The following SETD1A variants were observed in gnomAD, a reference collection of about 807,000 sequenced individuals.
The protein encoded by SETD1A is SET domain containing 1A, histone lysine methyltransferase, also known as histone-lysine N-methyltransferase SETD1A.
In SETD1A, 29 loss-of-function variants were observed where a neutral mutation model predicts 149.9. That is an observed-to-expected ratio of 0.19 (90% CI 0.14 to 0.26). SETD1A has a LOEUF of 0.26. Ranked by LOEUF, SETD1A falls within the 10% of genes least tolerant of loss-of-function variation. The probability of loss-of-function intolerance (pLI) is 1.00; values close to 1 mark genes in which losing one functional copy is unlikely to be tolerated. For missense variants in SETD1A, 2,109 were observed against 2,353.1 expected, an observed-to-expected ratio of 0.90 and a Z score of 2.15; for synonymous variants, 1,141 against 968.5, an observed-to-expected ratio of 1.18 and a Z score of -3.31.
Position 30,979,841 on chromosome 16 carries a change from A to C in SETD1A, c.4055A>C (p.Gln1352Pro), listed in dbSNP as rs761427932. The part of the protein sequence containing the change: ...VVAEAEEPKP[Q>P]QLQQQREEGE... ...GCTGAGGCGGAGGAGCCCAAGCCGC[A>C]GCAACTGCAGCAGCAGCGGGAGGAG... The change falls in exon 14 of 19, where the codon CAG becomes CCG. Residue 1352 changes from glutamine to proline, a missense_variant. Physicochemically the swap from Gln to Pro is moderately conservative, Grantham distance 76 (BLOSUM62 -1). This residue lies in a region of SETD1A where 832 missense variants were observed against 815.6 expected (regional missense o/e 1.02). Transcript: ENST00000262519. 1.2e-5 allele frequency: 19 copies of C among 1,547,988 alleles called. No homozygotes were observed. In the East Asian group the frequency reaches 2.4e-4, roughly 19 times the overall value.
intron 4 of SETD1A, among the ~76,000 whole-genome samples, chr16:30,962,907 C>T (rs1445734402): frequency 2.0e-5 from 3 of 152,232 alleles, no homozygotes; most frequent in Admixed American, 6.5e-5. Flanking sequence ...GCACTCAAGC[C>T]AGAAATTTGG....
chr16:30,972,397 G>GGTT (rs1262537725), intron 13 of SETD1A, among the ~76,000 whole-genome samples: 214 of 152,230 alleles, frequency 1.4e-3, no homozygotes, highest in Admixed American at 2.4e-3. Flanking sequence ...AGCACTTTGG[G>GGTT]AGGCCAAGGC....
At position 30,961,125 on chromosome 16, in the gene SETD1A, T is replaced by C. The variant is rs750425232; in HGVS notation, c.247-142T>C. On this transcript the variant is annotated intron_variant, in intron 3 of 18. Transcript: ENST00000262519. This position sits in a 1 kb window ranked among gnomAD's most constrained non-coding sequence, Gnocchi z 4.0. ...GGGAAAAGGGGTCAGGTCTGATGGATCCCTTATTTTGGGCCCCTTCCCTTG... is the reference window on the plus strand; with the variant it reads ...GGGAAAAGGGGTCAGGTCTGATGGACCCCTTATTTTGGGCCCCTTCCCTTG... The C allele has an allele frequency of 2.1e-5, 16 of 765,870 alleles. No homozygotes were observed. Among genetic ancestry groups the C allele is most frequent in the Non-Finnish European group, 3.6e-5 (16 of 445,180 alleles). 47.4% of individuals were successfully genotyped at this position (765,870 alleles called of 1,614,324 possible).
Position 30,980,585 on chromosome 16 carries a change from CAAG to C in SETD1A, c.4513_4515del (p.Lys1505del). 1 of 1,614,142 alleles carries C rather than the reference CAAG, an allele frequency of 6.2e-7. No individual in the cohort carries two copies. The highest frequency in any genetic ancestry group is 8.5e-7 in the Non-Finnish European group (1 of 1,180,038). The stretch of plus-strand genomic sequence containing the variant: ...GCAGCGAAGGCTACTACCCCATCAG[CAAG>C]AAGGAGAAGGACAAGTACCTGGACG... On this transcript the variant is annotated inframe_deletion, in exon 15 of 19. Transcript: ENST00000262519. This position sits in a 1 kb window ranked among gnomAD's most constrained non-coding sequence, Gnocchi z 7.7.
rs752692999 is a variant in SETD1A, at chr16:30,964,599, G to A, written c.870-13G>A. On this transcript the variant is annotated splice_polypyrimidine_tract_variant and intron_variant, in intron 6 of 18. Transcript: ENST00000262519. ...AGAGCTGAGTCCAGCTAACTCCCCTGCTTCTTCTCCAGCACCACTTCAACC... is the reference window on the plus strand; with the variant it reads ...AGAGCTGAGTCCAGCTAACTCCCCTACTTCTTCTCCAGCACCACTTCAACC... 42 of 1,607,496 alleles carry A rather than the reference G, an allele frequency of 2.6e-5. No homozygotes were observed. The Middle Eastern group carries it at 6.6e-4, about 25-fold the overall frequency.
chr16:30,983,724 T>C lies in SETD1A; in HGVS notation c.4902T>C (p.Asp1634=), dbSNP rs1307291941. Residue 1634 remains aspartate (D), a synonymous_variant, in exon 18 of 19, where the codon GAT becomes GAC. Transcript: ENST00000262519. The surrounding 1 kb of genome is among the most constrained non-coding windows in gnomAD (Gnocchi z 6.8). ...LFRVDHDTII[D]ATKCGNLARF... The stretch of plus-strand genomic sequence containing the variant: ...GGGTGGACCACGACACCATCATCGA[T>C]GCCACCAAGTGTGGCAACCTGGCCA... 1.2e-6 allele frequency: 2 copies of C among 1,614,004 alleles called. No individual in the cohort carries two copies. Among genetic ancestry groups the C allele is most frequent in the African/African-American group, 2.7e-5 (2 of 74,918 alleles).
chr16:30,983,595 TGGG>T lies in SETD1A; in HGVS notation c.4813-37_4813-35del. 1.9e-6 allele frequency: 3 copies of T among 1,593,942 alleles called. No homozygotes were observed. Among genetic ancestry groups the T allele is most frequent in the African/African-American group, 2.7e-5 (2 of 74,772 alleles). ...GGCAGGCGTGCTCAGGGGCAGGAAGTGGGGGACTCTTCCCTGACCATCGCATCT... is the reference window on the plus strand; with the variant it reads ...GGCAGGCGTGCTCAGGGGCAGGAAGTGGACTCTTCCCTGACCATCGCATCT... On this transcript the variant is annotated intron_variant, in intron 17 of 18. Coordinates refer to ENST00000262519, the MANE Select transcript of SETD1A (RefSeq NM_014712.3). This position sits in a 1 kb window ranked among gnomAD's most constrained non-coding sequence, Gnocchi z 6.8.
At chr16:30,981,421 C>T (rs2056376245) in intron 17 of SETD1A, among the ~76,000 whole-genome samples, 6 of 152,190 alleles carry the variant, frequency 3.9e-5, no homozygotes, top group Admixed American at 3.9e-4. Context: ...TGTTGCCAGG[C>T]TGTAGTGCAG....
chr16:30,971,360 C>T lies in SETD1A; in HGVS notation c.3017-18C>T, dbSNP rs761403867. ...GAGGTCTGCCCACCTCTCCTGACTG[C>T]CCCTTCTGGATTTCCAGGCGAGGAC... is the stretch of plus-strand genomic sequence containing the variant. On this transcript the variant is annotated intron_variant, in intron 12 of 18. Transcript: ENST00000262519. 4.5e-6 allele frequency: 7 copies of T among 1,560,896 alleles called. No homozygotes were observed. The African/African-American group carries it at 5.4e-5, about 12-fold the overall frequency.
rs1227040114 is a variant in SETD1A at position 30,979,416 on chromosome 16, G to A, written c.3630G>A (p.Leu1210=). The A allele has an allele frequency of 1.2e-6, 2 of 1,610,880 alleles. No homozygotes were observed. Among genetic ancestry groups the A allele is most frequent in the East Asian group, 4.5e-5 (2 of 44,782 alleles). ...PRGVERTIRN[L]PLDHASLVKS... is the part of the protein sequence containing the mutation. ...GCGTGGAGCGGACCATCCGCAACCT[G>A]CCCCTGGACCACGCATCTCTGGTCA... The change falls in exon 14 of 19, where the codon CTG becomes CTA. Residue 1210 remains leucine, a synonymous_variant. Transcript: ENST00000262519.
chr16:30,971,109 A>T (rs943925582), intron 12 of SETD1A, among the ~76,000 whole-genome samples: 8 of 151,180 alleles, frequency 5.3e-5, no homozygotes, highest in Admixed American at 4.6e-4. Context: ...TGTGTGGTGG[A>T]CTCCTTGTCC....
chr16:30,958,242 G>C (rs2055992470), intron 1 of SETD1A: 1 of 152,516 alleles, frequency 6.6e-6, no homozygotes, highest in Non-Finnish European at 1.5e-5. Flanking sequence ...CCCGGATTCG[G>C]GGTCGAAGCC....
Position 30,967,037 on chromosome 16 carries a change from G to T in SETD1A, c.2659G>T (p.Ala887Ser), listed in dbSNP as rs1388205772. The T allele has an allele frequency of 2.5e-6, 4 of 1,595,128 alleles. No individual in the cohort carries two copies. The Admixed American group carries it at 7.2e-5, about 29-fold the overall frequency. Reference protein sequence around the residue: ...AFAFGSGLRGALRLPSFKVKR... With the variant: ...AFAFGSGLRGSLRLPSFKVKR... ...CGCCTTTGGGTCAGGGCTGAGAGGGGCCCTGCGGCTGCCTTCATTCAAGGT... is the reference window on the plus strand; with the variant it reads ...CGCCTTTGGGTCAGGGCTGAGAGGGTCCCTGCGGCTGCCTTCATTCAAGGT... The change falls in exon 9 of 19, where the codon GCC becomes TCC. Residue 887 changes from alanine to serine, a missense_variant. Around this residue, in one of 8 missense-constraint regions of SETD1A, gnomAD observed 832 missense variants for 815.6 expected, o/e 1.02. Transcript: ENST00000262519.
rs750726670 is a variant in SETD1A, at chr16:30,964,224, C to A, written c.770C>A (p.Pro257Gln). 1 of 1,614,176 alleles carries A rather than the reference C, an allele frequency of 6.2e-7. No homozygotes were observed. Among genetic ancestry groups the A allele is most frequent in the Admixed American group, 1.7e-5 (1 of 60,024 alleles). The change falls in exon 6 of 19, where the codon CCA (proline) becomes CAA (glutamine). Residue 257 changes from proline to glutamine, a missense_variant. Coordinates refer to ENST00000262519, the MANE Select transcript of SETD1A (RefSeq NM_014712.3). ...TSFSSSRQDT[P>Q]SSFGQFTPQS... is the part of the protein sequence containing the mutation. ...TTCTCCAGCAGCCGACAAGATACCCCATCTTCCTTTGGCCAGTTCACACCT... is the reference window on the plus strand; with the variant it reads ...TTCTCCAGCAGCCGACAAGATACCCAATCTTCCTTTGGCCAGTTCACACCT...
chr16:30,960,173 C>T (rs2056030266), intron 3 of SETD1A, among the ~76,000 whole-genome samples: 1 of 152,074 alleles, frequency 6.6e-6, no homozygotes, highest in Non-Finnish European at 1.5e-5. Flanking sequence ...TCGTTCTTGC[C>T]TCAGTTTCTC....
Position 30,979,991 on chromosome 16 carries a change from G to GCCCCCC in SETD1A, c.4208_4209insCCCCCC (p.Pro1411_Pro1412dup). On this transcript the variant is annotated inframe_insertion, in exon 14 of 19. Transcript: ENST00000262519. ...CTCCGCTCCCACGCCCGGCGCCGCC[G>GCCCCCC]CCCTCCGCCCCCACCCCCGCCGCCA... 1 of 1,279,668 alleles carries GCCCCCC rather than the reference G, an allele frequency of 7.8e-7. No individual in the cohort carries two copies. Among genetic ancestry groups the GCCCCCC allele is most frequent in the Non-Finnish European group, 1.0e-6 (1 of 969,378 alleles). 79.3% of individuals were successfully genotyped at this position (1,279,668 alleles called of 1,614,324 possible).
At chr16:30,959,268 G>GT (rs1260176062) in intron 3 of SETD1A, 82 bp downstream of exon 3, 1 of 939,414 alleles carries the variant, frequency 1.1e-6, no homozygotes, top group African/African-American at 1.6e-5. Context: ...GAATAAAAGG[G>GT]TTTCCAATGA....
chr16:30,960,708 GTGTACAT>G (rs138079576), intron 3 of SETD1A, among the ~76,000 whole-genome samples: 16,701 of 137,230 alleles, frequency 0.12, 1,533 homozygotes, highest in Non-Finnish European at 0.19. Context: ...ATTCCTCAGT[GTGTACAT>G]TTCTTTCTTT....
chr16:30,980,978 C>T lies in SETD1A; in HGVS notation c.4693-83C>T. 1 of 1,590,852 alleles carries T rather than the reference C, an allele frequency of 6.3e-7. No homozygotes were observed. Among genetic ancestry groups the T allele is most frequent in the Non-Finnish European group, 8.6e-7 (1 of 1,164,970 alleles). The stretch of plus-strand genomic sequence containing the variant: ...TTGGGGGGTAAGCAGCCAGAACACC[C>T]TCTGCCCAGGAAGTCTGTGGGAAGA... On this transcript the variant is annotated intron_variant, in intron 16 of 18. Coordinates refer to ENST00000262519, the MANE Select transcript of SETD1A (RefSeq NM_014712.3). This position sits in a 1 kb window ranked among gnomAD's most constrained non-coding sequence, Gnocchi z 7.7.
Sources: allele counts gnomAD v4.1 joint callset (sites outside exome capture counted in the v4.1 genomes callset), GRCh38; gene constraint gnomAD v4.1.1; regional missense constraint gnomAD v4.1.1; non-coding constraint Gnocchi (gnomAD v3.1); transcripts MANE v1.5; gene names NCBI Gene and HGNC (gene_info 2026-07-23, HGNC 2026-07-21).